Variants in AFAP1L2 observed in about 807,000 individuals in gnomAD.
The protein encoded by AFAP1L2 is actin filament-associated protein 1-like 2.
Under a neutral mutation model 99.3 loss-of-function variants are expected in AFAP1L2, and 46 were observed. The ratio of observed to expected loss-of-function variants is 0.46; its 90% CI spans 0.37 to 0.59. The LOEUF is 0.59. Among genes scored for constraint, AFAP1L2 ranks in the 20% least tolerant of loss-of-function variants. AFAP1L2 has a pLI of 0.00. For missense variants in AFAP1L2, 959 were observed against 1,034.9 expected, an observed-to-expected ratio of 0.93 and a Z score of 1.01; for synonymous variants, 397 against 419.1, an observed-to-expected ratio of 0.95 and a Z score of 0.64.
chr10:114,320,646 T>G (rs894566025), intron 5 of AFAP1L2, among the ~76,000 whole-genome samples: 8 of 152,248 alleles, frequency 5.3e-5, no homozygotes, highest in African/African-American at 1.9e-4. Flanking sequence ...GTCCTTGGGA[T>G]GACCCCTAGT....
intron 4 of AFAP1L2, among the ~76,000 whole-genome samples, chr10:114,326,758 A>G (rs1487178375): frequency 1.3e-5 from 2 of 152,178 alleles, no homozygotes; most frequent in African/African-American, 2.4e-5. Context: ...TGGACTTGGC[A>G]TAAGAAGGGG....
At chr10:114,369,343 C>T (rs1266957605) in intron 1 of AFAP1L2, among the ~76,000 whole-genome samples, 1 of 152,148 alleles carries the variant, frequency 6.6e-6, no homozygotes, top group Non-Finnish European at 1.5e-5. Flanking sequence ...CGCCTGTAAT[C>T]CGAGCACTTT....
intron 7 of AFAP1L2, 46 bp downstream of exon 7, chr10:114,313,825 G>A: frequency 1.3e-6 from 2 of 1,532,668 alleles, no homozygotes; most frequent in Non-Finnish European, 1.8e-6. Context: ...AAAGCTGGGG[G>A]CCACAACTCT....
At chr10:114,388,159 TG>T (rs2056736011) in intron 1 of AFAP1L2, among the ~76,000 whole-genome samples, 1 of 152,158 alleles carries the variant, frequency 6.6e-6, no homozygotes, top group Admixed American at 6.5e-5. Context: ...GAAGGGACAG[TG>T]GCCACTCAGA....
At chr10:114,291,135 C>T (rs2039555804), downstream of AFAP1L2, 3 of 1,502,024 alleles carry the variant, frequency 2.0e-6, no homozygotes, top group Non-Finnish European at 2.7e-6. Flanking sequence ...AAGAGCAGGA[C>T]CTGAAGGGGT....
At chr10:114,291,472 G>A, downstream of AFAP1L2, 1 of 530,624 alleles carries the variant, frequency 1.9e-6, no homozygotes, top group Non-Finnish European at 3.3e-6. Flanking sequence ...AAACGATGTT[G>A]TTGAAAAGTT....
At chr10:114,329,810 GAAC>G (rs770759256) in intron 4 of AFAP1L2, among the ~76,000 whole-genome samples, 3 of 152,156 alleles carry the variant, frequency 2.0e-5, no homozygotes, top group Non-Finnish European at 2.9e-5. Flanking sequence ...GAGGAATTGG[GAAC>G]AACAACAACA....
At chr10:114,354,746 C>T (rs2051070815) in intron 1 of AFAP1L2, among the ~76,000 whole-genome samples, 1 of 152,152 alleles carries the variant, frequency 6.6e-6, no homozygotes, top group African/African-American at 2.4e-5. Flanking sequence ...AGCCAGTGCT[C>T]AGAAGGAACA....
At chr10:114,329,392 C>T (rs1042740583) in intron 4 of AFAP1L2, among the ~76,000 whole-genome samples, 1 of 152,192 alleles carries the variant, frequency 6.6e-6, no homozygotes, top group Non-Finnish European at 1.5e-5. Flanking sequence ...TTGTAAAACA[C>T]AATTTCTAGA....
chr10:114,299,302 T>C lies in AFAP1L2; in HGVS notation c.2071A>G (p.Lys691Glu). ...GTTTCCTTTAGCTCCCGTTTCTCTT[T>C]CCGGAGCTGAGCCAGGTGCCCCCGG... ...EIRGHLAQLRKEKRELKETLL... is the reference protein window; with the variant it reads ...EIRGHLAQLREEKRELKETLL... Residue 691 changes from lysine to glutamate, a missense_variant, in exon 16 of 19, where the codon AAA becomes GAA. By Grantham distance (56) the Lys-to-Glu change is moderately conservative. This residue lies in a region of AFAP1L2 where 576 missense variants were observed against 562.1 expected (regional missense o/e 1.02). Transcript: ENST00000304129. 6.2e-7 allele frequency: 1 copy of C among 1,614,256 alleles called. No individual in the cohort carries two copies.
chr10:114,380,738 G>C (rs551038844), intron 1 of AFAP1L2, among the ~76,000 whole-genome samples: 1 of 152,300 alleles, frequency 6.6e-6, no homozygotes, highest in East Asian at 1.9e-4. Context: ...TTACAACAAA[G>C]ACATTGAGAA....
At chr10:114,318,560 G>A (rs2044516655) in intron 5 of AFAP1L2, among the ~76,000 whole-genome samples, 2 of 151,836 alleles carry the variant, frequency 1.3e-5, no homozygotes, top group South Asian at 4.2e-4. Context: ...CCAACATGGT[G>A]AAACCCTGTC....
rs766768032 is a variant in AFAP1L2, at chr10:114,300,226, G to A, written c.1925C>T (p.Pro642Leu). 1 of 1,614,176 alleles carries A rather than the reference G, an allele frequency of 6.2e-7. No homozygotes were observed. Among genetic ancestry groups the A allele is most frequent in the Admixed American group, 1.7e-5 (1 of 60,024 alleles). Residue 642 changes from proline (P) to leucine (L), a missense_variant, in exon 15 of 19, where the codon CCT becomes CTT. This residue lies in a region of AFAP1L2 where 576 missense variants were observed against 562.1 expected (regional missense o/e 1.02). Coordinates refer to ENST00000304129, the MANE Select transcript of AFAP1L2 (RefSeq NM_001001936.3). Reference protein sequence around the residue: ...VVATPPGASPPVKDRLRVTSA... With the variant: ...VVATPPGASPLVKDRLRVTSA... ...GGTCACGCGCAACCTGTCCTTCACA[G>A]GTGGGCTGGCACCAGGTGGGGTGGC... is the stretch of plus-strand genomic sequence containing the variant.
chr10:114,313,109 T>C (rs1392747325), intron 7 of AFAP1L2, among the ~76,000 whole-genome samples: 1 of 141,006 alleles, frequency 7.1e-6, no homozygotes, highest in Non-Finnish European at 1.5e-5. Context: ...GTGGTTGTGA[T>C]GGGAGAGGGG....
At position 114,319,614 on chromosome 10, in the gene AFAP1L2, G is replaced by T. The variant is rs752074057; in HGVS notation, c.406+3557C>A. The stretch of plus-strand genomic sequence containing the variant: ...CTTCGGGCACCTGCACCCATCTGGG[G>T]ACTCCAGTGGGGAGAAATCCGCCAG... On this transcript the variant is annotated intron_variant, in intron 5 of 18. Coordinates refer to ENST00000304129, the MANE Select transcript of AFAP1L2 (RefSeq NM_001001936.3). The T allele has an allele frequency of 4.7e-6, 6 of 1,289,606 alleles. No individual in the cohort carries two copies. The African/African-American group carries it at 9.1e-5, about 20-fold the overall frequency. 79.9% of individuals were successfully genotyped at this position (1,289,606 alleles called of 1,614,324 possible).
intron 1 of AFAP1L2, among the ~76,000 whole-genome samples, chr10:114,397,960 G>GC (rs1182329902): frequency 6.6e-6 from 1 of 152,108 alleles, no homozygotes; most frequent in East Asian, 1.9e-4. Flanking sequence ...TGGCATGGGT[G>GC]CCTCTCCCCA....
In AFAP1L2 at chr10:114,295,213, C is replaced by G; in HGVS notation, c.*829G>C. 1.0e-6 allele frequency: 1 copy of G among 985,720 alleles called. No homozygotes were observed. The allele number at this position is 985,720 out of a possible 1,614,324, so 61.1% of individuals were successfully genotyped here. ...TCTTCCCTTAAAAATGGCCTGACCA[C>G]AGCAATGAATCTGTAAACACAGAGT... is the stretch of plus-strand genomic sequence containing the variant. On this transcript the variant is annotated 3_prime_UTR_variant, in exon 19 of 19. Coordinates refer to ENST00000304129, the MANE Select transcript of AFAP1L2 (RefSeq NM_001001936.3).
intron 1 of AFAP1L2, among the ~76,000 whole-genome samples, chr10:114,364,903 T>G (rs180673919): frequency 1.3e-5 from 2 of 152,254 alleles, no homozygotes; most frequent in East Asian, 3.9e-4. Flanking sequence ...ATGAATTTTG[T>G]TTTGTTTTAA....
intron 1 of AFAP1L2, among the ~76,000 whole-genome samples, chr10:114,372,146 A>T (rs967778660): frequency 3.3e-5 from 5 of 152,202 alleles, no homozygotes; most frequent in African/African-American, 1.2e-4. Flanking sequence ...TTGGGGATTG[A>T]TGCTCTAAAT....
Sources: allele counts gnomAD v4.1 joint callset (sites outside exome capture counted in the v4.1 genomes callset), GRCh38; gene constraint gnomAD v4.1.1; regional missense constraint gnomAD v4.1.1; transcripts MANE v1.5; gene names NCBI Gene and HGNC (gene_info 2026-07-23, HGNC 2026-07-21).